NHSL2: variants seen among roughly 807,000 people sequenced by gnomAD.
The protein encoded by NHSL2 is NHS-like protein 2.
Under a neutral mutation model 53.4 loss-of-function variants are expected in NHSL2, and 27 were observed. The observed-to-expected ratio is 0.51, with a 90% CI of 0.37 to 0.70. The LOEUF is 0.70. NHSL2 is among the 30% of genes least tolerant of loss of function. The probability of loss-of-function intolerance (pLI) is 0.00; values close to 1 mark genes in which losing one functional copy is unlikely to be tolerated. For missense variants in NHSL2, 892 were observed against 980.1 expected, an observed-to-expected ratio of 0.91 and a Z score of 1.20; for synonymous variants, 408 against 404.1, an observed-to-expected ratio of 1.01 and a Z score of -0.12.
chrX:72,121,766 T>C lies in NHSL2; in HGVS notation c.281-10313T>C, dbSNP rs368971170. Among the ~76,000 whole-genome samples the C allele has an allele frequency of 5.8e-4, 65 of 112,124 alleles. 2 individuals are homozygous for C. Among genetic ancestry groups the C allele is most frequent in the Non-Finnish European group, 1.5e-4 (8 of 53,253 alleles). On this transcript the variant is annotated intron_variant, in intron 1 of 7. Transcript: ENST00000633930. The stretch of plus-strand genomic sequence containing the variant: ...GTGTGTGGAGAGAATTTAGAGGGTC[T>C]ACAAACTTGGATGGGAAGATTAGTT...
chrX:72,100,582 G>A (rs1487939773), intron 1 of NHSL2, among the ~76,000 whole-genome samples: 3 of 112,111 alleles, frequency 2.7e-5, no homozygotes, highest in East Asian at 5.6e-4. Flanking sequence ...GCAGGCGGGC[G>A]AGCATTACCG....
chrX:71,989,276 G>A (rs2042016284), intron 1 of NHSL2, among the ~76,000 whole-genome samples: 1 of 106,373 alleles, frequency 9.4e-6, no homozygotes, highest in Non-Finnish European at 1.9e-5. Flanking sequence ...GTGAACCCGG[G>A]AGGCGGAACT....
At position 71,911,210 on chromosome X, in the gene NHSL2, C is replaced by T. The variant is rs1344470929; in HGVS notation, c.123C>T (p.Ala41=). ...LAALSLLRQL[A]DLCGHSLALL... ...CGCTCAGCCTGCTCCGGCAGCTCGCCGACCTCTGTGGCCACTCGTTGGCTC... is the reference window on the plus strand; with the variant it reads ...CGCTCAGCCTGCTCCGGCAGCTCGCTGACCTCTGTGGCCACTCGTTGGCTC... Residue 41 remains alanine, a synonymous_variant, in exon 1 of 8, where the codon GCC becomes GCT. Transcript: ENST00000633930. The T allele has an allele frequency of 8.7e-7, 1 of 1,146,175 alleles. No individual in the cohort carries two copies. Among genetic ancestry groups the T allele is most frequent in the East Asian group, 3.3e-5 (1 of 29,935 alleles). The allele number at this position is 1,146,175 out of a possible 1,213,427, so 94.5% of individuals were successfully genotyped here. A position where few individuals can be genotyped will look rare whatever the true frequency, so the allele number is the denominator to read the frequency against.
chrX:72,081,720 T>C (rs1602352763), intron 1 of NHSL2, among the ~76,000 whole-genome samples: 1 of 112,673 alleles, frequency 8.9e-6, no homozygotes, highest in East Asian at 2.8e-4. Flanking sequence ...ATTTCTCTTC[T>C]CTATTGCCTC....
intron 1 of NHSL2, among the ~76,000 whole-genome samples, chrX:72,003,019 G>T: frequency 9.1e-6 from 1 of 110,356 alleles, no homozygotes; most frequent in Non-Finnish European, 1.9e-5. Flanking sequence ...CACAGAGATT[G>T]TGCTATTCCC....
At chrX:71,915,476 TGAAAA>T (rs1324665563) in intron 1 of NHSL2, among the ~76,000 whole-genome samples, 1 of 112,403 alleles carries the variant, frequency 8.9e-6, no homozygotes, top group Non-Finnish European at 1.9e-5. Flanking sequence ...TCATGAGTGC[TGAAAA>T]GATTTTAGTG....
intron 1 of NHSL2, among the ~76,000 whole-genome samples, chrX:72,115,024 C>T (rs1030264475): frequency 3.6e-5 from 4 of 111,681 alleles, no homozygotes; most frequent in Non-Finnish European, 7.5e-5. Flanking sequence ...GGAATGCAGA[C>T]AGGGTGGAAT....
chrX:72,137,352 C>A, intron 5 of NHSL2, 127 bp downstream of exon 5: 1 of 602,094 alleles, frequency 1.7e-6, no homozygotes, highest in Non-Finnish European at 2.5e-6. Context: ...CTCCGGATGT[C>A]CTGAAAAAGC....
At chrX:72,140,969 G>C in intron 6 of NHSL2, 198 bp downstream of exon 6, 2 of 367,617 alleles carry the variant, frequency 5.4e-6, no homozygotes, top group Non-Finnish European at 9.6e-6. Flanking sequence ...AGACTAGCCC[G>C]AGGCAGATCT....
chrX:72,133,477 G>T (rs1481342025), intron 2 of NHSL2, among the ~76,000 whole-genome samples: 4 of 111,455 alleles, frequency 3.6e-5, no homozygotes, highest in Admixed American at 9.4e-5. Flanking sequence ...TTCAAATCTT[G>T]TGCATCCTTA....
At chrX:71,936,320 G>A (rs2041738234) in intron 1 of NHSL2, among the ~76,000 whole-genome samples, 1 of 112,244 alleles carries the variant, frequency 8.9e-6, no homozygotes, top group Non-Finnish European at 1.9e-5. Context: ...CAGCCTGGGG[G>A]CCTACGTGAC....
chrX:72,059,404 C>T (rs1349789473), intron 1 of NHSL2, among the ~76,000 whole-genome samples: 2 of 111,534 alleles, frequency 1.8e-5, no homozygotes, highest in East Asian at 5.6e-4. Context: ...AAGATAAAAT[C>T]CACACCCATT....
intron 2 of NHSL2, among the ~76,000 whole-genome samples, chrX:72,132,971 C>G (rs906781553): frequency 8.0e-5 from 9 of 112,277 alleles, no homozygotes; most frequent in Non-Finnish European, 1.5e-4. Flanking sequence ...GGATGACAGC[C>G]ATAACCCCCA....
rs1352877645 is a variant in NHSL2 at position 72,144,311 on chromosome X, C to T, written c.*737C>T. On this transcript the variant is annotated 3_prime_UTR_variant, in exon 8 of 8. Transcript: ENST00000633930. The stretch of plus-strand genomic sequence containing the variant: ...CCAGGACTGGGTTGCTTTAAATGAA[C>T]CAAGCTTGACCAACAAACAAGACAG... 2.7e-5 allele frequency: 4 copies of T among 145,618 alleles called. No individual in the cohort carries two copies. The highest frequency in any genetic ancestry group is 9.6e-5 in the African/African-American group (2 of 20,741). 12.0% of individuals were successfully genotyped at this position (145,618 alleles called of 1,213,427 possible).
chrX:72,072,178 A>T (rs1378394079), intron 1 of NHSL2, among the ~76,000 whole-genome samples: 2 of 112,811 alleles, frequency 1.8e-5, no homozygotes, highest in African/African-American at 6.5e-5. Context: ...TTTGCCTTTC[A>T]AGTTCTGTAT....
intron 1 of NHSL2, among the ~76,000 whole-genome samples, chrX:71,918,235 T>G (rs1289004584): frequency 5.4e-5 from 6 of 111,897 alleles, no homozygotes. Flanking sequence ...AATGTATTAT[T>G]TATGCCCCTG....
chrX:71,929,455 G>A (rs1464273601), intron 1 of NHSL2, among the ~76,000 whole-genome samples: 1 of 112,463 alleles, frequency 8.9e-6, no homozygotes, highest in Admixed American at 9.4e-5. Context: ...TTCAATTAGA[G>A]TTTAGTGAAA....
At chrX:71,930,046 C>T (rs969231342) in intron 1 of NHSL2, among the ~76,000 whole-genome samples, 1 of 112,243 alleles carries the variant, frequency 8.9e-6, no homozygotes, top group African/African-American at 3.2e-5. Flanking sequence ...TGAGCCACCA[C>T]GCCCAGACTC....
intron 1 of NHSL2, among the ~76,000 whole-genome samples, chrX:72,092,975 C>T (rs762604557): frequency 3.5e-5 from 4 of 112,752 alleles, no homozygotes; most frequent in African/African-American, 1.3e-4. Flanking sequence ...GCACCCACCT[C>T]AGTGCCTAAT....
Sources: gnomAD v4.1 joint callset for allele counts (sites outside exome capture counted in the v4.1 genomes callset) on GRCh38, gnomAD v4.1.1 for gene constraint, MANE v1.5 for transcripts, NCBI Gene and HGNC (gene_info 2026-07-23, HGNC 2026-07-21) for gene names.